The following NDUFB2 variants were observed in gnomAD, a reference collection of about 807,000 sequenced individuals.
NDUFB2 encodes NADH dehydrogenase [ubiquinone] 1 beta subcomplex subunit 2, mitochondrial.
In NDUFB2, 13 loss-of-function variants were observed where a neutral mutation model predicts 13.4. The observed-to-expected ratio is 0.97, with a 90% CI of 0.63 to 1.54. The LOEUF (loss-of-function observed/expected upper bound fraction) is 1.54, where lower values mean the gene tolerates loss of function less well. Among genes scored for constraint, NDUFB2 ranks in the 40% most tolerant of loss-of-function variants. The pLI is 0.00. For synonymous variants in NDUFB2, 47 were observed against 50.6 expected (o/e 0.93, Z 0.30); for missense variants, 150 against 139.7 (o/e 1.07, Z -0.37).
intron 1 of NDUFB2, among the ~76,000 whole-genome samples, chr7:140,699,351 C>T (rs867311111): frequency 2.0e-5 from 3 of 151,948 alleles, no homozygotes; most frequent in African/African-American, 4.8e-5. Context: ...GCTTGTTTTC[C>T]CTGGAATTTC....
chr7:140,700,951 C>A (rs946922309), intron 1 of NDUFB2: 1 of 151,788 alleles, frequency 6.6e-6, no homozygotes, highest in African/African-American at 2.4e-5. Context: ...TGTAAAGTGG[C>A]GATATTTGGT....
intron 1 of NDUFB2, chr7:140,702,025 A>G (rs1244278704): frequency 2.8e-6 from 2 of 702,156 alleles, no homozygotes; most frequent in Non-Finnish European, 5.2e-6. Flanking sequence ...CATTATGAAG[A>G]CAAGATATTT....
intron 2 of NDUFB2, 79 bp from the exon 3 acceptor site, chr7:140,704,781 C>A: frequency 2.0e-6 from 2 of 983,502 alleles, no homozygotes; most frequent in Non-Finnish European, 2.9e-6. Flanking sequence ...TTTTTCTTTC[C>A]AAGATTTATT....
rs1794813387 is a variant in NDUFB2, at chr7:140,696,812, C to G, written c.68C>G (p.Ala23Gly). Residue 23 changes from alanine to glycine, a missense_variant, in exon 1 of 4, where the codon GCA (alanine) becomes GGA (glycine). Physicochemically the swap from Ala to Gly is moderately conservative, Grantham distance 60. Transcript: ENST00000247866. Reference sequence around the variant, plus strand: ...GGCCGCCTTTTCAGAAGCGGCTGCGCACGGACTGCTGGAGATGGTGGAGTC... The same window carrying G: ...GGCCGCCTTTTCAGAAGCGGCTGCGGACGGACTGCTGGAGATGGTGGAGTC... ...VGGRLFRSGCARTAGDGGVRH... is the reference protein window; with the variant it reads ...VGGRLFRSGCGRTAGDGGVRH... The G allele has an allele frequency of 5.0e-6, 8 of 1,609,176 alleles. No homozygotes were observed. Among genetic ancestry groups the G allele is most frequent in the Non-Finnish European group, 6.8e-6 (8 of 1,178,064 alleles).
intron 2 of NDUFB2, among the ~76,000 whole-genome samples, 190 bp from the exon 3 acceptor site, chr7:140,704,670 C>T (rs1033255207): frequency 3.3e-5 from 5 of 152,116 alleles, no homozygotes; most frequent in African/African-American, 1.2e-4. Context: ...AAATTCAGAC[C>T]AGAGCCCATA....
rs138219315 is a variant in NDUFB2, at chr7:140,703,116, G to C, written c.243+106G>C. 1,018 of 1,387,504 alleles carry C rather than the reference G, an allele frequency of 7.3e-4. 9 individuals are homozygous for C. The African/African-American group carries it at 0.013, about 18-fold the overall frequency. 85.9% of individuals were successfully genotyped at this position (1,387,504 alleles called of 1,614,324 possible). On this transcript the variant is annotated intron_variant, in intron 2 of 3. Transcript: ENST00000247866. The stretch of plus-strand genomic sequence containing the variant: ...TAGACCATTTTTCTGTCTGGACATC[G>C]CCCTTTGCCACCACTTTTTCCATAT...
intron 2 of NDUFB2, among the ~76,000 whole-genome samples, chr7:140,703,559 G>A (rs1231082384): frequency 1.3e-5 from 2 of 152,052 alleles, no homozygotes; most frequent in Non-Finnish European, 2.9e-5. Flanking sequence ...ACAGGCGTGA[G>A]CCACCGCGCC....
chr7:140,698,103 G>C (rs760934643), intron 1 of NDUFB2: 78 of 1,349,388 alleles, frequency 5.8e-5, no homozygotes, highest in Non-Finnish European at 7.4e-5. Flanking sequence ...TGAAAGGAGT[G>C]ACTTGCCTGA....
At chr7:140,705,140 C>T in intron 3 of NDUFB2, 177 bp downstream of exon 3, 1 of 388,366 alleles carries the variant, frequency 2.6e-6, no homozygotes, top group Non-Finnish European at 4.5e-6. Flanking sequence ...TGCTCTGTCG[C>T]CCAGACTGGA....
At position 140,702,851 on chromosome 7, in the gene NDUFB2, TGTTTTGTC is replaced by T. The variant is rs1794914849; in HGVS notation, c.99-14_99-7del. 6.2e-7 allele frequency: 1 copy of T among 1,613,596 alleles called. No homozygotes were observed. Among genetic ancestry groups the T allele is most frequent in the Admixed American group, 1.7e-5 (1 of 59,982 alleles). ...GAATGTAGCACGCTGTCTGCCATGT[TGTTTTGTC>T]TTGCAGTGCCGGTGGTGGTGTGCAC... On this transcript the variant is annotated splice_polypyrimidine_tract_variant and splice_region_variant and intron_variant, in intron 1 of 3. Transcript: ENST00000247866.
At chr7:140,703,200 C>T (rs116827040) in intron 2 of NDUFB2, among the ~76,000 whole-genome samples, 190 bp downstream of exon 2, 4,283 of 151,480 alleles carry the variant, frequency 0.028, 204 homozygotes, top group African/African-American at 0.096. Context: ...TTTTTTTACA[C>T]GAGGATGTAT....
intron 2 of NDUFB2, 83 bp downstream of exon 2, chr7:140,703,093 G>C: frequency 6.4e-7 from 1 of 1,550,776 alleles, no homozygotes; most frequent in Non-Finnish European, 8.8e-7. Context: ...TTCTGTTGTA[G>C]ACCATTTTTC....
intron 2 of NDUFB2, among the ~76,000 whole-genome samples, chr7:140,704,038 A>C (rs113007847): frequency 0.1 from 15,711 of 152,274 alleles, 869 homozygotes; most frequent in South Asian, 0.19. Flanking sequence ...TACAGGCGTG[A>C]GCCACTGCGC....
At position 140,697,254 on chromosome 7, in the gene NDUFB2, CGGTGCCTGGCTGCGGAATTTAG is replaced by C; in HGVS notation, c.98+416_98+437del. On this transcript the variant is annotated intron_variant, in intron 1 of 3. Coordinates refer to ENST00000247866, the MANE Select transcript of NDUFB2 (RefSeq NM_004546.3). ...CTAGGGAGGGCGCGGTCCAGGGTCC[CGGTGCCTGGCTGCGGAATTTAG>C]GGTAGAGTCTGTTCGGCAGCCTTTA... 4 of 697,120 alleles carry C rather than the reference CGGTGCCTGGCTGCGGAATTTAG, an allele frequency of 5.7e-6. No individual in the cohort carries two copies. In the South Asian group the frequency reaches 6.0e-5, roughly 10 times the overall value. 43.2% of individuals were successfully genotyped at this position (697,120 alleles called of 1,614,324 possible). A position where few individuals can be genotyped will look rare whatever the true frequency, so the allele number is the denominator to read the frequency against.
intron 2 of NDUFB2, 136 bp downstream of exon 2, chr7:140,703,146 A>G (rs1415686271): frequency 1.5e-5 from 15 of 1,021,076 alleles, no homozygotes; most frequent in Non-Finnish European, 1.4e-6. Flanking sequence ...CCATATGTAT[A>G]TACAAGAATC....
chr7:140,703,567 G>A (rs1794927305), intron 2 of NDUFB2, among the ~76,000 whole-genome samples: 2 of 151,670 alleles, frequency 1.3e-5, no homozygotes, highest in Admixed American at 6.6e-5. Flanking sequence ...GAGCCACCGC[G>A]CCTGGCCAGA....
intron 1 of NDUFB2, chr7:140,701,866 G>C (rs1794903017): frequency 2.1e-6 from 1 of 474,122 alleles, no homozygotes; most frequent in African/African-American, 2.0e-5. Context: ...AACCCAGGAG[G>C]CGGAGGTTGC....
intron 2 of NDUFB2, 148 bp downstream of exon 2, chr7:140,703,158 T>C: frequency 1.1e-6 from 1 of 924,922 alleles, no homozygotes; most frequent in Non-Finnish European, 1.6e-6. Context: ...ACAAGAATCC[T>C]GTTATTTAAT....
chr7:140,704,730 T>G, intron 2 of NDUFB2, 130 bp from the exon 3 acceptor site: 1 of 578,142 alleles, frequency 1.7e-6, no homozygotes, highest in Non-Finnish European at 2.9e-6. Flanking sequence ...TAAAGTAGAA[T>G]TTGTTCCTGT....
Sources: gnomAD v4.1 joint callset for allele counts (sites outside exome capture counted in the v4.1 genomes callset) on GRCh38, gnomAD v4.1.1 for gene constraint, MANE v1.5 for transcripts, NCBI Gene and HGNC (gene_info 2026-07-23, HGNC 2026-07-21) for gene names.